KCNMA1: variants seen among roughly 807,000 people sequenced by gnomAD.
KCNMA1 encodes the protein potassium calcium-activated channel subfamily M alpha 1.
Under a neutral mutation model 140.0 loss-of-function variants are expected in KCNMA1, and 29 were observed. The observed-to-expected ratio is 0.21, with a 90% CI of 0.15 to 0.28. The LOEUF (loss-of-function observed/expected upper bound fraction) is 0.28, where lower values mean the gene tolerates loss of function less well. KCNMA1 is among the 10% of genes least tolerant of loss of function. KCNMA1 has a pLI of 1.00. For missense variants in KCNMA1, 880 were observed against 1,602.2 expected (o/e 0.55, Z 7.70); for synonymous variants, 612 against 611.9 (o/e 1.00, Z 0.00).
rs116762093 is a variant in KCNMA1, at chr10:76,975,571, T to A, written c.2267-5504A>T. ...CGTGGTGGGGAATGCCATGTGTCCA[T>A]CGACGAGGCTGAGCTATTAAGCACA... On this transcript the variant is annotated intron_variant, in intron 19 of 27. Coordinates refer to ENST00000286628, the MANE Select transcript of KCNMA1 (RefSeq NM_001161352.2). Among the ~76,000 whole-genome samples, 1,377 of 152,286 alleles carry A rather than the reference T, an allele frequency of 9.0e-3. 21 individuals carry two copies. The highest frequency in any genetic ancestry group is 0.032 in the African/African-American group (1,327 of 41,548).
intron 12 of KCNMA1, 47 bp from the exon 13 acceptor site, chr10:77,079,597 G>C: frequency 1.5e-6 from 2 of 1,295,416 alleles, no homozygotes; most frequent in Non-Finnish European, 2.2e-6. Flanking sequence ...CTTATGCATG[G>C]TGTCTGACAA....
At chr10:76,979,457 A>T (rs1388339718) in intron 19 of KCNMA1, 1 of 148,802 alleles carries the variant, frequency 6.7e-6, no homozygotes, top group Non-Finnish European at 1.5e-5. Flanking sequence ...TTTTGACACC[A>T]ATGTTACTTT....
chr10:77,108,989 G>T lies in KCNMA1; in HGVS notation c.1132-417C>A, dbSNP rs1203564992. Reference sequence around the variant, plus strand: ...CTTCCTTTGTCATTAAAATTCAGAGGAGAATCAATGCTTTTATGAGTGACA... The same window carrying T: ...CTTCCTTTGTCATTAAAATTCAGAGTAGAATCAATGCTTTTATGAGTGACA... On this transcript the variant is annotated intron_variant, in intron 8 of 27. Coordinates refer to ENST00000286628, the MANE Select transcript of KCNMA1 (RefSeq NM_001161352.2). This position sits in a 1 kb window ranked among gnomAD's most constrained non-coding sequence, Gnocchi z 4.6. Among the ~76,000 whole-genome samples, 2 of 151,392 alleles carry T rather than the reference G, an allele frequency of 1.3e-5. No homozygotes were observed. The highest frequency in any genetic ancestry group is 4.9e-5 in the African/African-American group (2 of 41,182).
intron 19 of KCNMA1, among the ~76,000 whole-genome samples, chr10:76,991,647 T>C (rs756199469): frequency 1.3e-5 from 2 of 152,192 alleles, no homozygotes; most frequent in Non-Finnish European, 1.5e-5. Flanking sequence ...CTTTTACTCA[T>C]GAAATATTTA....
chr10:76,971,250 A>T (rs547612264), intron 19 of KCNMA1, among the ~76,000 whole-genome samples: 2 of 152,214 alleles, frequency 1.3e-5, no homozygotes, highest in South Asian at 4.1e-4. Flanking sequence ...GAGAAATATT[A>T]GCAGTGATGA....
intron 1 of KCNMA1, among the ~76,000 whole-genome samples, chr10:77,517,528 G>A (rs989296456): frequency 1.3e-5 from 2 of 152,186 alleles, no homozygotes; most frequent in African/African-American, 2.4e-5. Context: ...CCAGGCTGGG[G>A]ATGCTAAGAC....
At chr10:76,883,577 C>A (rs569884897), downstream of KCNMA1, among the ~76,000 whole-genome samples, 28 of 152,200 alleles carry the variant, frequency 1.8e-4, no homozygotes, top group Non-Finnish European at 3.4e-4. Context: ...TTATTGTTCA[C>A]CCCTTTCAAA....
chr10:77,055,812 G>A (rs557693252), intron 14 of KCNMA1, among the ~76,000 whole-genome samples: 11 of 152,150 alleles, frequency 7.2e-5, no homozygotes, highest in Non-Finnish European at 1.5e-4. Flanking sequence ...AGACCCCAGG[G>A]AACCTGAAAA....
chr10:77,001,202 G>GTCTC (rs903772946), intron 19 of KCNMA1, among the ~76,000 whole-genome samples: 11 of 152,182 alleles, frequency 7.2e-5, no homozygotes, highest in African/African-American at 2.6e-4. Flanking sequence ...TACGAGAAGC[G>GTCTC]TAAGTTAAGA....
At chr10:77,277,344 C>T (rs2066959171) in intron 2 of KCNMA1, among the ~76,000 whole-genome samples, 2 of 152,188 alleles carry the variant, frequency 1.3e-5, no homozygotes, top group African/African-American at 2.4e-5. Context: ...GCAGAGGCTG[C>T]ACCATGATAG....
chr10:76,959,228 G>A (rs2069827215), intron 20 of KCNMA1, among the ~76,000 whole-genome samples: 1 of 152,216 alleles, frequency 6.6e-6, no homozygotes, highest in Non-Finnish European at 1.5e-5. Flanking sequence ...CAAAGAGGAA[G>A]CCTGAACACT....
intron 2 of KCNMA1, among the ~76,000 whole-genome samples, chr10:77,264,392 T>C (rs1270606177): frequency 6.6e-6 from 1 of 152,182 alleles, no homozygotes; most frequent in Non-Finnish European, 1.5e-5. Flanking sequence ...TCCTTCCTCC[T>C]TCAGCCTCAC....
chr10:77,255,094 A>G (rs929108186), intron 2 of KCNMA1, among the ~76,000 whole-genome samples: 1 of 152,226 alleles, frequency 6.6e-6, no homozygotes, highest in African/African-American at 2.4e-5. Context: ...CATCTTGGAC[A>G]GTATGAATTG....
intron 1 of KCNMA1, among the ~76,000 whole-genome samples, chr10:77,443,350 C>T (rs1472977133): frequency 6.6e-6 from 1 of 152,290 alleles, no homozygotes; most frequent in East Asian, 1.9e-4. Context: ...CCATCACTAT[C>T]CCCCCATCAT....
chr10:76,896,159 T>G (rs912883287), intron 25 of KCNMA1, among the ~76,000 whole-genome samples: 4 of 152,210 alleles, frequency 2.6e-5, no homozygotes, highest in Admixed American at 1.3e-4. Context: ...ATCCCTTATC[T>G]GCAACTCCAT....
intron 1 of KCNMA1, among the ~76,000 whole-genome samples, chr10:77,563,189 C>A (rs1190434260): frequency 6.6e-6 from 1 of 152,086 alleles, no homozygotes; most frequent in Non-Finnish European, 1.5e-5. Flanking sequence ...AGCTTTCCAA[C>A]TAGCACTAAT....
At chr10:76,895,342 G>A (rs1012022303) in intron 25 of KCNMA1, among the ~76,000 whole-genome samples, 5 of 152,086 alleles carry the variant, frequency 3.3e-5, no homozygotes, top group South Asian at 4.1e-4. Context: ...TCTGCAGCTC[G>A]TCCTGCTACA....
At chr10:77,186,054 C>CTG (rs1281001277) in intron 3 of KCNMA1, among the ~76,000 whole-genome samples, 1 of 152,148 alleles carries the variant, frequency 6.6e-6, no homozygotes, top group Non-Finnish European at 1.5e-5. Context: ...TTGGAAATCA[C>CTG]TGTGTGCAAT....
At chr10:77,489,821 A>C (rs2098510300) in intron 1 of KCNMA1, among the ~76,000 whole-genome samples, 1 of 152,236 alleles carries the variant, frequency 6.6e-6, no homozygotes. Context: ...AGGTGAGATG[A>C]CAGTATCAAG....
Sources: gnomAD v4.1 joint callset for allele counts (sites outside exome capture counted in the v4.1 genomes callset) on GRCh38, gnomAD v4.1.1 for gene constraint, Gnocchi (gnomAD v3.1) non-coding constraint, MANE v1.5 for transcripts, NCBI Gene and HGNC (gene_info 2026-07-23, HGNC 2026-07-21) for gene names.